Variants in HPSE observed in about 807,000 individuals in gnomAD.
HPSE encodes the protein endo-glucoronidase.
A neutral mutation model predicts 65.1 loss-of-function variants in HPSE; 48 were observed. That is an observed-to-expected ratio of 0.74 (90% CI 0.58 to 0.94). HPSE has a LOEUF of 0.94. Ranked by LOEUF, HPSE falls within the 40% of genes least tolerant of loss-of-function variation. The pLI is 0.00. For synonymous variants in HPSE, 243 were observed against 260.0 expected (o/e 0.93, Z 0.63); for missense variants, 644 against 637.5 (o/e 1.01, Z -0.11).
intron 1 of HPSE, among the ~76,000 whole-genome samples, chr4:83,332,605 A>T (rs541898550): frequency 6.6e-6 from 1 of 152,370 alleles, no homozygotes; most frequent in South Asian, 2.1e-4. Flanking sequence ...AGGGGAAAAA[A>T]GGGTGCTCTG....
chr4:83,334,748 G>A lies in HPSE; in HGVS notation c.35C>T (p.Pro12Leu), dbSNP rs1242901671. 1.9e-6 allele frequency: 3 copies of A among 1,553,854 alleles called. No individual in the cohort carries two copies. The highest frequency in any genetic ancestry group is 1.4e-5 in the African/African-American group (1 of 73,196). ...LLRSKPALPP[P>L]LMLLLLGPLG... is the part of the protein sequence containing the mutation. ...CGGCCCCAGGAGCAGCAGCATCAGC[G>A]GCGGCGGCAGCGCAGGCTTCGAGCG... The change falls in exon 1 of 12, where the codon CCG becomes CTG. Residue 12 changes from proline (P) to leucine (L), a missense_variant. Coordinates refer to ENST00000311412, the MANE Select transcript of HPSE (RefSeq NM_001098540.3).
intron 3 of HPSE, among the ~76,000 whole-genome samples, chr4:83,318,017 G>T (rs1209952732): frequency 1.3e-5 from 2 of 152,078 alleles, no homozygotes; most frequent in African/African-American, 4.8e-5. Flanking sequence ...GCTATTTTTT[G>T]ATTTCTTATG....
intron 1 of HPSE, among the ~76,000 whole-genome samples, chr4:83,329,614 C>T (rs1235733665): frequency 6.6e-6 from 1 of 152,194 alleles, no homozygotes; most frequent in African/African-American, 2.4e-5. Context: ...TAAATATTCT[C>T]ACCATGGCTG....
chr4:83,314,408 AC>A (rs1286347228), intron 3 of HPSE, among the ~76,000 whole-genome samples: 5 of 152,328 alleles, frequency 3.3e-5, no homozygotes, highest in African/African-American at 9.6e-5. Flanking sequence ...AAGGAAAAAA[AC>A]ATCAACATCT....
intron 2 of HPSE, 53 bp downstream of exon 2, chr4:83,322,165 TC>T: frequency 6.7e-7 from 1 of 1,489,546 alleles, no homozygotes; most frequent in Non-Finnish European, 9.3e-7. Context: ...CAAAGCATTC[TC>T]ATGACGGACT....
chr4:83,314,257 C>CA (rs11347608), intron 3 of HPSE, among the ~76,000 whole-genome samples: 28,717 of 97,956 alleles, frequency 0.29, 3,362 homozygotes, highest in Non-Finnish European at 0.32. Flanking sequence ...GATCCTGTCT[C>CA]AAAAAAAAAA....
chr4:83,324,633 G>A (rs993429167), intron 1 of HPSE, among the ~76,000 whole-genome samples: 5 of 152,144 alleles, frequency 3.3e-5, no homozygotes, highest in African/African-American at 1.2e-4. Context: ...AAGAGCTCTA[G>A]GAAGGATGGC....
At chr4:83,333,020 C>T (rs1041145271) in intron 1 of HPSE, among the ~76,000 whole-genome samples, 1 of 151,800 alleles carries the variant, frequency 6.6e-6, no homozygotes, top group African/African-American at 2.4e-5. Context: ...TATCCCCCAA[C>T]TAGTTGCTGC....
intron 1 of HPSE, among the ~76,000 whole-genome samples, chr4:83,323,247 G>A (rs1394777138): frequency 6.6e-6 from 1 of 152,092 alleles, no homozygotes; most frequent in Admixed American, 6.5e-5. Flanking sequence ...CTATAATGGT[G>A]GATACATGTC....
chr4:83,331,725 T>C (rs1737380768), intron 1 of HPSE, among the ~76,000 whole-genome samples: 1 of 152,254 alleles, frequency 6.6e-6, no homozygotes, highest in Admixed American at 6.5e-5. Flanking sequence ...TGCTTAGGCC[T>C]CTTTGAAGTA....
At chr4:83,302,387 G>A in intron 9 of HPSE, 119 bp from the exon 10 acceptor site, 1 of 637,658 alleles carries the variant, frequency 1.6e-6, no homozygotes. Flanking sequence ...TATCCTGGGG[G>A]CATTTAAATA....
chr4:83,310,372 T>A (rs1233718228), intron 5 of HPSE, among the ~76,000 whole-genome samples: 1 of 151,204 alleles, frequency 6.6e-6, no homozygotes, highest in Admixed American at 6.6e-5. Flanking sequence ...TTTTTTTTTT[T>A]AAGAAAAGTG....
intron 10 of HPSE, 76 bp from the exon 11 acceptor site, chr4:83,301,182 C>A: frequency 6.5e-6 from 6 of 918,208 alleles, no homozygotes; most frequent in Non-Finnish European, 9.8e-6. Flanking sequence ...CAAATGTGAT[C>A]CTAAGTATTA....
chr4:83,295,194 C>A lies in HPSE; in HGVS notation c.*150G>T. The A allele has an allele frequency of 1.9e-6, 1 of 519,084 alleles. No individual in the cohort carries two copies. Among genetic ancestry groups the A allele is most frequent in the Non-Finnish European group, 3.4e-6 (1 of 294,656 alleles). 32.2% of individuals were successfully genotyped at this position (519,084 alleles called of 1,614,324 possible). The stretch of plus-strand genomic sequence containing the variant: ...TGTTCTACCTAGCGAGATCAAAATA[C>A]TGTGCTAAATCTAGCACTGACAGTG... On this transcript the variant is annotated 3_prime_UTR_variant, in exon 12 of 12. Transcript: ENST00000311412.
rs1470819037 is a variant in HPSE, at chr4:83,319,488, A to G, written c.374-19T>C. On this transcript the variant is annotated intron_variant, in intron 2 of 11. Coordinates refer to ENST00000311412, the MANE Select transcript of HPSE (RefSeq NM_001098540.3). ...CAAATATCTGCAAGTGGAAGAGATCATTTAGAAGGTCTGTTTTCACAGTGA... is the reference window on the plus strand; with the variant it reads ...CAAATATCTGCAAGTGGAAGAGATCGTTTAGAAGGTCTGTTTTCACAGTGA... The G allele has an allele frequency of 1.2e-6, 2 of 1,611,222 alleles. No individual in the cohort carries two copies. Among genetic ancestry groups the G allele is most frequent in the African/African-American group, 1.3e-5 (1 of 74,798 alleles).
chr4:83,295,476 T>C lies in HPSE; in HGVS notation c.1500A>G (p.Leu500=). The part of the protein sequence containing the change: ...SKSVQLNGLT[L]KMVDDQTLPP... ...GCAAGGTTTGATCATCCACCATCTT[T>C]AGAGTTAGACCATTGAGTTGGACAG... Residue 500 remains leucine (L), a synonymous_variant, in exon 12 of 12, where the codon CTA becomes CTG. Transcript: ENST00000311412. The C allele has an allele frequency of 6.2e-7, 1 of 1,610,908 alleles. No individual in the cohort carries two copies. Among genetic ancestry groups the C allele is most frequent in the Non-Finnish European group, 8.5e-7 (1 of 1,178,020 alleles).
rs1271144387 is a variant in HPSE, at chr4:83,322,242, T to C, written c.350A>G (p.Tyr117Cys). ...ACCCTGGTTGACTTGAGATTGCCAG[T>C]AACTTCTCTCTTCAAAGGTTGATTC... ...KKESTFEERS[Y>C]WQSQVNQDIC... is the part of the protein sequence containing the mutation. The change falls in exon 2 of 12, where the codon TAC becomes TGC. Residue 117 changes from tyrosine to cysteine, a missense_variant. By Grantham distance (194) the Tyr-to-Cys change is radical. Transcript: ENST00000311412. 4 of 1,613,636 alleles carry C rather than the reference T, an allele frequency of 2.5e-6. No homozygotes were observed. The highest frequency in any genetic ancestry group is 3.3e-5 in the Admixed American group (2 of 59,954).
At chr4:83,315,639 T>C (rs1736598346) in intron 3 of HPSE, among the ~76,000 whole-genome samples, 2 of 152,158 alleles carry the variant, frequency 1.3e-5, no homozygotes, top group East Asian at 1.9e-4. Context: ...CTCCCACTTA[T>C]AGACTATAAT....
At chr4:83,331,041 C>T (rs1737347382) in intron 1 of HPSE, among the ~76,000 whole-genome samples, 1 of 152,128 alleles carries the variant, frequency 6.6e-6, no homozygotes, top group Admixed American at 6.5e-5. Context: ...CCTGTCTCTA[C>T]TAAAAATACA....
Sources: allele counts gnomAD v4.1 joint callset (sites outside exome capture counted in the v4.1 genomes callset), GRCh38; gene constraint gnomAD v4.1.1; transcripts MANE v1.5; gene names NCBI Gene and HGNC (gene_info 2026-07-23, HGNC 2026-07-21).